The following CSNK1G1 variants were observed in gnomAD, a reference collection of about 807,000 sequenced individuals.
The protein encoded by CSNK1G1 is casein kinase 1 gamma 1.
A neutral mutation model predicts 59.6 loss-of-function variants in CSNK1G1; 22 were observed. That is an observed-to-expected ratio of 0.37 (90% CI 0.26 to 0.53). The LOEUF (loss-of-function observed/expected upper bound fraction) is 0.53. Ranked by LOEUF, CSNK1G1 falls within the 20% of genes least tolerant of loss-of-function variation. The pLI, the probability that CSNK1G1 is intolerant of heterozygous loss-of-function variation, is 0.89. For missense variants in CSNK1G1, 384 were observed against 519.5 expected (o/e 0.74, Z 2.54); for synonymous variants, 179 against 177.1 (o/e 1.01, Z -0.08).
At chr15:64,269,749 C>T (rs1267921198) in intron 2 of CSNK1G1, among the ~76,000 whole-genome samples, 1 of 152,058 alleles carries the variant, frequency 6.6e-6, no homozygotes, top group Non-Finnish European at 1.5e-5. Flanking sequence ...CCACCTCAGC[C>T]TCCCAAAGTG....
chr15:64,334,399 G>A (rs1897267486), intron 1 of CSNK1G1, among the ~76,000 whole-genome samples: 1 of 152,092 alleles, frequency 6.6e-6, no homozygotes, highest in Non-Finnish European at 1.5e-5. Context: ...ACAGACTGGG[G>A]GTGGAGGGCA....
intron 10 of CSNK1G1, among the ~76,000 whole-genome samples, chr15:64,193,425 G>A (rs189555414): frequency 3.5e-4 from 53 of 149,554 alleles, no homozygotes; most frequent in African/African-American, 1.3e-3. Context: ...CCTGGGAGGC[G>A]GAGGTTGCAT....
chr15:64,169,009 G>A lies in CSNK1G1; in HGVS notation c.*2922C>T, dbSNP rs186979892. ...TTTGTGAGGTTGGAAGGTGAGAACA[G>A]TGTCTTAGGAAGTACAGTCCCCTAC... On this transcript the variant is annotated 3_prime_UTR_variant, in exon 12 of 12. Transcript: ENST00000303052. 6.5e-6 allele frequency: 1 copy of A among 152,724 alleles called. No homozygotes were observed. The highest frequency in any genetic ancestry group is 1.9e-4 in the East Asian group (1 of 5,186). 9.5% of individuals were successfully genotyped at this position (152,724 alleles called of 1,614,324 possible).
chr15:64,299,462 G>A (rs1895205082), intron 2 of CSNK1G1, among the ~76,000 whole-genome samples: 1 of 151,860 alleles, frequency 6.6e-6, no homozygotes, highest in South Asian at 2.1e-4. Flanking sequence ...CGTGGTGGCG[G>A]ATGCCTGTAG....
In CSNK1G1 at chr15:64,188,923, C is replaced by A. The variant is rs1022225362; in HGVS notation, c.1108-8469G>T. ...TGGGCGGATCACGAGGTCTGGAGTT[C>A]GAGACCAGCCTGACCAACATGGTGA... is the stretch of plus-strand genomic sequence containing the variant. On this transcript the variant is annotated intron_variant, in intron 10 of 11. Transcript: ENST00000303052. The surrounding 1 kb of genome is among the most constrained non-coding windows in gnomAD (Gnocchi z 4.2). 2.0e-5 allele frequency among the ~76,000 whole-genome samples: 3 copies of A among 152,046 alleles called. No individual in the cohort carries two copies. Among genetic ancestry groups the A allele is most frequent in the African/African-American group, 7.2e-5 (3 of 41,398 alleles).
chr15:64,173,619 C>CTTTTTT (rs928192194), intron 11 of CSNK1G1, among the ~76,000 whole-genome samples: 569 of 108,494 alleles, frequency 5.2e-3, no homozygotes, highest in Non-Finnish European at 7.0e-3. Context: ...CTTTTCTTTT[C>CTTTTTT]TTTTTTTTTT....
In CSNK1G1 at chr15:64,210,673, T is replaced by C. The variant is rs1284743264; in HGVS notation, c.680-3079A>G. ...AGGTAACCCAGTGTTCTCACCCTAA[T>C]TTCAACCATTAAATAATATAAATTG... On this transcript the variant is annotated intron_variant, in intron 6 of 11. Transcript: ENST00000303052. This position sits in a 1 kb window ranked among gnomAD's most constrained non-coding sequence, Gnocchi z 4.2. Among the ~76,000 whole-genome samples the C allele has an allele frequency of 6.6e-6, 1 of 152,152 alleles. No individual in the cohort carries two copies. Among genetic ancestry groups the C allele is most frequent in the African/African-American group, 2.4e-5 (1 of 41,432 alleles).
intron 1 of CSNK1G1, among the ~76,000 whole-genome samples, chr15:64,306,721 A>G (rs74245429): frequency 0.042 from 6,352 of 152,266 alleles, 152 homozygotes; most frequent in South Asian, 0.078. Flanking sequence ...CAAAAAATGA[A>G]AACACTAAGA....
At position 64,176,896 on chromosome 15, in the gene CSNK1G1, G is replaced by C. The variant is rs1435378414; in HGVS notation, c.1214+3452C>G. Among the ~76,000 whole-genome samples the C allele has an allele frequency of 6.6e-6, 1 of 152,196 alleles. No individual in the cohort carries two copies. Among genetic ancestry groups the C allele is most frequent in the Non-Finnish European group, 1.5e-5 (1 of 68,036 alleles). ...TCTGTATTAAGGTATAACTACCAGA[G>C]AAGGACCTAAATTCTACTCTTGTTA... On this transcript the variant is annotated intron_variant, in intron 11 of 11. Transcript: ENST00000303052. This position sits in a 1 kb window ranked among gnomAD's most constrained non-coding sequence, Gnocchi z 5.2.
chr15:64,267,264 A>C (rs1382992717), intron 2 of CSNK1G1, among the ~76,000 whole-genome samples: 3 of 151,426 alleles, frequency 2.0e-5, no homozygotes, highest in Admixed American at 6.6e-5. Context: ...CTCAAAAAAA[A>C]AAAAAAAAAA....
chr15:64,219,921 G>A (rs975571043), intron 4 of CSNK1G1, among the ~76,000 whole-genome samples: 5 of 150,984 alleles, frequency 3.3e-5, no homozygotes, highest in African/African-American at 1.2e-4. Flanking sequence ...TTACAGGCAC[G>A]TACCACCACA....
At chr15:64,319,634 T>C (rs1896453795) in intron 1 of CSNK1G1, among the ~76,000 whole-genome samples, 1 of 152,170 alleles carries the variant, frequency 6.6e-6, no homozygotes, top group South Asian at 2.1e-4. Context: ...AACCTCTGCC[T>C]CCCAGGTTCA....
At chr15:64,307,234 T>G (rs1021081629) in intron 1 of CSNK1G1, among the ~76,000 whole-genome samples, 1 of 151,082 alleles carries the variant, frequency 6.6e-6, no homozygotes, top group African/African-American at 2.4e-5. Flanking sequence ...AAAACGGGGG[T>G]GGAGGAGTGT....
rs1382072087 is a variant in CSNK1G1, at chr15:64,171,765, C to T, written c.*166G>A. ...CGGAGATGGCCAATGACCCACTAGG[C>T]CCTGGCTGCCCGCACTGGCCCCTTC... On this transcript the variant is annotated 3_prime_UTR_variant, in exon 12 of 12. Transcript: ENST00000303052. The surrounding 1 kb of genome is among the most constrained non-coding windows in gnomAD (Gnocchi z 4.8). The T allele has an allele frequency of 1.7e-5, 11 of 660,680 alleles. No individual in the cohort carries two copies. The highest frequency in any genetic ancestry group is 2.9e-5 in the Non-Finnish European group (11 of 373,628). The allele number at this position is 660,680 out of a possible 1,614,324, so 40.9% of individuals were successfully genotyped here. A position where few individuals can be genotyped will look rare whatever the true frequency, so the allele number is the denominator to read the frequency against.
intron 2 of CSNK1G1, among the ~76,000 whole-genome samples, chr15:64,290,902 C>T (rs1457713637): frequency 2.0e-5 from 3 of 152,026 alleles, no homozygotes; most frequent in East Asian, 1.9e-4. Context: ...TCAGTAGAGA[C>T]GGGGTTTCAC....
chr15:64,316,951 T>C (rs558860373), intron 1 of CSNK1G1: 1 of 152,312 alleles, frequency 6.6e-6, no homozygotes, highest in East Asian at 1.9e-4. Flanking sequence ...TTGGAGAGCT[T>C]GGTTTTTTGA....
At chr15:64,319,163 A>C (rs902901556) in intron 1 of CSNK1G1, among the ~76,000 whole-genome samples, 29 of 152,278 alleles carry the variant, frequency 1.9e-4, no homozygotes, top group Non-Finnish European at 4.0e-4. Flanking sequence ...CTAAACTTAC[A>C]TTTATAATAT....
intron 10 of CSNK1G1, among the ~76,000 whole-genome samples, chr15:64,187,387 A>C (rs1179635964): frequency 1.3e-5 from 2 of 151,378 alleles, no homozygotes; most frequent in African/African-American, 4.9e-5. Flanking sequence ...TATAGTACAG[A>C]TGGGGTTTCA....
chr15:64,338,229 G>T (rs1403458296), intron 1 of CSNK1G1, among the ~76,000 whole-genome samples: 1 of 152,146 alleles, frequency 6.6e-6, no homozygotes, highest in Non-Finnish European at 1.5e-5. Context: ...GCAATAAATA[G>T]AGTTCCAATT....
Sources: allele counts gnomAD v4.1 joint callset (sites outside exome capture counted in the v4.1 genomes callset), GRCh38; gene constraint gnomAD v4.1.1; non-coding constraint Gnocchi (gnomAD v3.1); transcripts MANE v1.5; gene names NCBI Gene and HGNC (gene_info 2026-07-23, HGNC 2026-07-21).